Variants in CYFIP2 observed in about 807,000 individuals in gnomAD.
The protein encoded by CYFIP2 is cytoplasmic FMR1 interacting protein 2.
Under a neutral mutation model 158.7 loss-of-function variants are expected in CYFIP2, and 29 were observed. The observed-to-expected ratio is 0.18, with a 90% CI of 0.14 to 0.25. The LOEUF is 0.25. Among genes scored for constraint, CYFIP2 ranks in the 10% least tolerant of loss-of-function variants. The probability of loss-of-function intolerance (pLI) is 1.00; values close to 1 mark genes in which losing one functional copy is unlikely to be tolerated. For missense variants in CYFIP2, 852 were observed against 1,639.5 expected (o/e 0.52, Z 8.29); for synonymous variants, 585 against 617.6 (o/e 0.95, Z 0.78).
In CYFIP2 at chr5:157,311,268, AGAGT is replaced by A. The variant is rs1759695716; in HGVS notation, c.993-394_993-391del. On this transcript the variant is annotated intron_variant, in intron 10 of 30. Coordinates refer to ENST00000620254, the MANE Select transcript of CYFIP2 (RefSeq NM_001037333.3). This position sits in a 1 kb window ranked among gnomAD's most constrained non-coding sequence, Gnocchi z 4.7. Reference sequence around the variant, plus strand: ...GCCCCCCAAAGCCAGCTTCAACCGCAGAGTGTCTGTGCTGTCAGAGTGGGTAGGC... The same window carrying A: ...GCCCCCCAAAGCCAGCTTCAACCGCAGTCTGTGCTGTCAGAGTGGGTAGGC... The A allele has an allele frequency of 8.0e-6, 3 of 374,886 alleles. No homozygotes were observed. Among genetic ancestry groups the A allele is most frequent in the African/African-American group, 6.3e-5 (3 of 47,368 alleles). 23.2% of individuals were successfully genotyped at this position (374,886 alleles called of 1,614,324 possible). A position where few individuals can be genotyped will look rare whatever the true frequency, so the allele number is the denominator to read the frequency against.
intron 23 of CYFIP2, chr5:157,341,955 C>T (rs1762297426): frequency 1.3e-5 from 2 of 152,340 alleles, no homozygotes; most frequent in South Asian, 4.1e-4. Context: ...CTAACACTGA[C>T]TCGCAAAGTA....
At chr5:157,335,847 C>T (rs1054121024) in intron 21 of CYFIP2, among the ~76,000 whole-genome samples, 1 of 151,910 alleles carries the variant, frequency 6.6e-6, no homozygotes, top group Non-Finnish European at 1.5e-5. Context: ...TCTAGTTTTC[C>T]AATAATGAGC....
At chr5:157,269,828 C>G (rs1265327073) in intron 1 of CYFIP2, among the ~76,000 whole-genome samples, 2 of 152,170 alleles carry the variant, frequency 1.3e-5, no homozygotes, top group Non-Finnish European at 2.9e-5. Flanking sequence ...CTTGTCTGTA[C>G]AAAGACACTT....
intron 6 of CYFIP2, 76 bp downstream of exon 6, chr5:157,300,972 G>A (rs1350993571): frequency 2.1e-5 from 28 of 1,328,634 alleles, no homozygotes; most frequent in Admixed American, 7.3e-5. Context: ...TGGAGGAAGA[G>A]AATGGAGCCC....
chr5:157,268,496 C>G (rs1755803607), intron 1 of CYFIP2, among the ~76,000 whole-genome samples: 1 of 152,172 alleles, frequency 6.6e-6, no homozygotes, highest in African/African-American at 2.4e-5. Context: ...AACCAGAAAG[C>G]TGAATGAGAT....
At chr5:157,336,570 C>G (rs951161723) in intron 21 of CYFIP2, among the ~76,000 whole-genome samples, 11 of 152,340 alleles carry the variant, frequency 7.2e-5, no homozygotes, top group African/African-American at 2.4e-4. Flanking sequence ...GACCTTTGCT[C>G]TCTCACTTGC....
intron 30 of CYFIP2, among the ~76,000 whole-genome samples, chr5:157,392,091 G>A (rs1387222460): frequency 6.6e-6 from 1 of 151,966 alleles, no homozygotes; most frequent in Non-Finnish European, 1.5e-5. Flanking sequence ...CAAGTCCTTT[G>A]TCCATTTTTT....
At chr5:157,277,665 A>G (rs1756670699) in intron 1 of CYFIP2, among the ~76,000 whole-genome samples, 1 of 152,218 alleles carries the variant, frequency 6.6e-6, no homozygotes, top group Non-Finnish European at 1.5e-5. Flanking sequence ...TTCATGGGCA[A>G]ACTCAGATTG....
rs772483635 is a variant in CYFIP2 at position 157,395,121 on chromosome 5, C to T, written c.*2121C>T. ...TATCCCTAAATTTGACCCTCTGGGC[C>T]GAGTCACATTACCTTCAGGAGACTT... is the stretch of plus-strand genomic sequence containing the variant. On this transcript the variant is annotated 3_prime_UTR_variant, in exon 31 of 31. Coordinates refer to ENST00000620254, the MANE Select transcript of CYFIP2 (RefSeq NM_001037333.3). 1 of 168,732 alleles carries T rather than the reference C, an allele frequency of 5.9e-6. No homozygotes were observed. The highest frequency in any genetic ancestry group is 1.5e-4 in the South Asian group (1 of 6,488). The allele number at this position is 168,732 out of a possible 1,614,324, so 10.5% of individuals were successfully genotyped here.
At chr5:157,278,255 A>G (rs891244189) in intron 1 of CYFIP2, among the ~76,000 whole-genome samples, 5 of 152,188 alleles carry the variant, frequency 3.3e-5, no homozygotes, top group African/African-American at 4.8e-5. Context: ...GTATACTTAT[A>G]TAGCCTCTGG....
chr5:157,303,106 C>T (rs1277545952), intron 7 of CYFIP2: 1 of 498,532 alleles, frequency 2.0e-6, no homozygotes, highest in Non-Finnish European at 3.6e-6. Flanking sequence ...GCTCGTGAAG[C>T]CCTCTCAGCC....
chr5:157,331,529 G>A (rs754570148), intron 20 of CYFIP2, among the ~76,000 whole-genome samples: 5 of 151,846 alleles, frequency 3.3e-5, no homozygotes, highest in Non-Finnish European at 7.4e-5. Flanking sequence ...CTGAGGCTAA[G>A]ATCATGCCAG....
Position 157,349,224 on chromosome 5 carries a change from T to A in CYFIP2, c.2673+8067T>A, listed in dbSNP as rs74443281. Among the ~76,000 whole-genome samples, 245 of 152,334 alleles carry A rather than the reference T, an allele frequency of 1.6e-3. 1 individual carries two copies. The highest frequency in any genetic ancestry group is 5.6e-3 in the African/African-American group (232 of 41,572). On this transcript the variant is annotated intron_variant, in intron 23 of 30. Transcript: ENST00000620254. ...TTCTGAGATTTTGGTGCACCCATCA[T>A]ACGAGCAGTATACGCTATGCCCAAT... is the stretch of plus-strand genomic sequence containing the variant.
At chr5:157,389,474 C>A (rs1440794467) in intron 29 of CYFIP2, 47 bp downstream of exon 29, 2 of 1,475,578 alleles carry the variant, frequency 1.4e-6, no homozygotes, top group African/African-American at 1.4e-5. Flanking sequence ...CCTGCCTGTG[C>A]TCCTGCAAGT....
At chr5:157,292,554 G>A (rs554069943) in intron 3 of CYFIP2, among the ~76,000 whole-genome samples, 30 of 152,280 alleles carry the variant, frequency 2.0e-4, no homozygotes, top group Non-Finnish European at 3.4e-4. Context: ...ATGTGGTAGC[G>A]TGTATTGGTA....
chr5:157,374,295 C>T (rs115305794), intron 26 of CYFIP2, among the ~76,000 whole-genome samples: 3,303 of 152,262 alleles, frequency 0.022, 73 homozygotes, highest in Admixed American at 0.068. Flanking sequence ...GGTATCCTTC[C>T]TCAGGACATT....
At chr5:157,324,205 G>A in intron 16 of CYFIP2, 131 bp downstream of exon 16, 2 of 1,090,298 alleles carry the variant, frequency 1.8e-6, no homozygotes, top group South Asian at 2.1e-5. Context: ...TCACCACCAA[G>A]GAAAAAACAC....
At chr5:157,349,526 G>T (rs1306651792) in intron 23 of CYFIP2, among the ~76,000 whole-genome samples, 1 of 152,144 alleles carries the variant, frequency 6.6e-6, no homozygotes, top group African/African-American at 2.4e-5. Context: ...TTGATTAGTG[G>T]GCATTGGGCT....
intron 1 of CYFIP2, among the ~76,000 whole-genome samples, chr5:157,274,357 C>A (rs12519487): frequency 0.42 from 64,126 of 151,966 alleles, 13,984 homozygotes; most frequent in East Asian, 0.64. Flanking sequence ...TTTAATGATT[C>A]GCTTCTTTCA....
Sources: gnomAD v4.1 joint callset for allele counts (sites outside exome capture counted in the v4.1 genomes callset) on GRCh38, gnomAD v4.1.1 for gene constraint, Gnocchi (gnomAD v3.1) non-coding constraint, MANE v1.5 for transcripts, NCBI Gene and HGNC (gene_info 2026-07-23, HGNC 2026-07-21) for gene names.